Variants in PDZD2 observed in about 807,000 individuals in gnomAD.
PDZD2 encodes the protein PDZ domain-containing protein 2.
In PDZD2, 90 loss-of-function variants were observed where a neutral mutation model predicts 220.7. That is an observed-to-expected ratio of 0.41 (90% confidence interval 0.34 to 0.49). The LOEUF (loss-of-function observed/expected upper bound fraction) is 0.49. Among genes scored for constraint, PDZD2 ranks in the 20% least tolerant of loss-of-function variants. The pLI is 0.28. For synonymous variants in PDZD2, 1,375 were observed against 1,450.5 expected, an observed-to-expected ratio of 0.95 and a Z score of 1.18; for missense variants, 3,174 against 3,608.5, an observed-to-expected ratio of 0.88 and a Z score of 3.08.
rs1473732101 is a variant in PDZD2 at position 32,074,021 on chromosome 5, A to G, written c.2915A>G (p.Asp972Gly). Reference sequence around the variant, plus strand: ...TGCTACGATGCCAACGATGCCAGTGATGAGGAAGAGTTTGACAGAGAAGGG... The same window carrying G: ...TGCTACGATGCCAACGATGCCAGTGGTGAGGAAGAGTTTGACAGAGAAGGG... ...VGCYDANDASDEEEFDREGDC... is the reference protein window; with the variant it reads ...VGCYDANDASGEEEFDREGDC... Residue 972 changes from aspartate (D) to glycine (G), a missense_variant, in exon 18 of 25, where the codon GAT (aspartate) becomes GGT (glycine). Asp to Gly is a moderately conservative substitution (Grantham distance 94). This residue lies in a region of PDZD2 where 1,861 missense variants were observed against 2,001.0 expected (regional missense o/e 0.93). Coordinates refer to ENST00000438447, the MANE Select transcript of PDZD2 (RefSeq NM_178140.4). The G allele has an allele frequency of 6.2e-7, 1 of 1,614,146 alleles. No homozygotes were observed.
chr5:31,982,536 G>T (rs1006080486), intron 2 of PDZD2, among the ~76,000 whole-genome samples: 1 of 152,116 alleles, frequency 6.6e-6, no homozygotes, highest in Non-Finnish European at 1.5e-5. Flanking sequence ...TCAAACCCCT[G>T]GACTCAAGTG....
intron 14 of PDZD2, among the ~76,000 whole-genome samples, chr5:32,067,458 A>G (rs1380181116): frequency 6.6e-6 from 1 of 152,200 alleles, no homozygotes; most frequent in Non-Finnish European, 1.5e-5. Context: ...GTAAGTATAT[A>G]TGCCTGAGTG....
At chr5:32,026,381 G>C (rs560021097) in intron 6 of PDZD2, among the ~76,000 whole-genome samples, 6 of 151,920 alleles carry the variant, frequency 3.9e-5, no homozygotes, top group Admixed American at 3.9e-4. Context: ...AAAGCAATCC[G>C]CCCGCCTCCG....
At chr5:32,091,830 G>A (rs1314844016) in intron 20 of PDZD2, among the ~76,000 whole-genome samples, 1 of 152,148 alleles carries the variant, frequency 6.6e-6, no homozygotes, top group African/African-American at 2.4e-5. Context: ...TTACCAAAGT[G>A]TCGCTCTGAG....
chr5:32,048,710 CAA>C, intron 8 of PDZD2, 26 bp downstream of exon 8: 2 of 1,612,516 alleles, frequency 1.2e-6, no homozygotes, highest in Non-Finnish European at 1.7e-6. Context: ...TGGATCTTTT[CAA>C]AGACCATAAG....
At chr5:32,064,442 C>T (rs1228414383) in intron 14 of PDZD2, among the ~76,000 whole-genome samples, 1 of 151,866 alleles carries the variant, frequency 6.6e-6, no homozygotes, top group Non-Finnish European at 1.5e-5. Flanking sequence ...GGGGTTTCAC[C>T]ATGTTGGCTA....
intron 1 of PDZD2, among the ~76,000 whole-genome samples, chr5:31,662,186 C>T (rs1404199746): frequency 6.6e-6 from 1 of 152,052 alleles, no homozygotes; most frequent in African/African-American, 2.4e-5. Flanking sequence ...TGGTGCATGC[C>T]TATAATCCCA....
intron 1 of PDZD2, among the ~76,000 whole-genome samples, chr5:31,776,663 T>C (rs1054795959): frequency 6.4e-5 from 9 of 139,996 alleles, no homozygotes; most frequent in Admixed American, 2.2e-4. Context: ...TATTTATTTA[T>C]TTTGAGACGG....
At chr5:31,642,661 G>C (rs939323675) in intron 1 of PDZD2, among the ~76,000 whole-genome samples, 1 of 152,228 alleles carries the variant, frequency 6.6e-6, no homozygotes, top group Non-Finnish European at 1.5e-5. Context: ...AGAGATGTGG[G>C]AGAGAGTAGA....
rs373052201 is a variant in PDZD2 at position 31,823,510 on chromosome 5, G to A, written c.476+23786G>A. 5.5e-4 allele frequency among the ~76,000 whole-genome samples: 84 copies of A among 152,142 alleles called. 1 individual carries two copies. The South Asian group carries it at 0.014, about 26-fold the overall frequency. On this transcript the variant is annotated intron_variant, in intron 2 of 24. Coordinates refer to ENST00000438447, the MANE Select transcript of PDZD2 (RefSeq NM_178140.4). ...AACAAACAAAGCAGAAAGTTTGGCC[G>A]GTAACAGAAGTAACACTCAGAAAAA...
rs541258091 is a variant in PDZD2, at chr5:32,109,891, C to CTGAG, written c.*1758_*1761dup. On this transcript the variant is annotated 3_prime_UTR_variant, in exon 25 of 25. Transcript: ENST00000438447. ...GATGAGAGAGAAATAGCTGGCTTGT[C>CTGAG]TGAGTCCAGATTTCTCATCAACTGG... 152 of 152,728 alleles carry CTGAG rather than the reference C, an allele frequency of 1.0e-3. 1 individual carries two copies. Among genetic ancestry groups the CTGAG allele is most frequent in the African/African-American group, 3.4e-3 (140 of 41,558 alleles). 9.5% of individuals were successfully genotyped at this position (152,728 alleles called of 1,614,324 possible). A position where few individuals can be genotyped will look rare whatever the true frequency, so the allele number is the denominator to read the frequency against.
At chr5:31,645,137 G>A (rs1745086871) in intron 1 of PDZD2, among the ~76,000 whole-genome samples, 1 of 152,170 alleles carries the variant, frequency 6.6e-6, no homozygotes, top group Non-Finnish European at 1.5e-5. Flanking sequence ...GTCCTTGAAA[G>A]GGCATTATCC....
At chr5:32,012,983 A>G (rs1753447535) in intron 6 of PDZD2, among the ~76,000 whole-genome samples, 1 of 152,172 alleles carries the variant, frequency 6.6e-6, no homozygotes, top group Non-Finnish European at 1.5e-5. Flanking sequence ...GACCAAAAAA[A>G]TCCTAGAGAC....
At chr5:31,979,234 G>A (rs1283978217) in intron 2 of PDZD2, among the ~76,000 whole-genome samples, 4 of 152,168 alleles carry the variant, frequency 2.6e-5, no homozygotes, top group Admixed American at 6.5e-5. Context: ...TTTTCAGGAT[G>A]ATCGTAAATG....
intron 1 of PDZD2, among the ~76,000 whole-genome samples, chr5:31,656,028 G>C (rs1388782487): frequency 6.6e-6 from 1 of 152,168 alleles, no homozygotes; most frequent in East Asian, 1.9e-4. Flanking sequence ...TGAAACCTAG[G>C]CTGAACTTCG....
At chr5:31,655,315 G>A (rs893392717) in intron 1 of PDZD2, among the ~76,000 whole-genome samples, 4 of 152,100 alleles carry the variant, frequency 2.6e-5, no homozygotes, top group Admixed American at 2.6e-4. Flanking sequence ...TGAGATTACA[G>A]ATGCACACCA....
intron 6 of PDZD2, among the ~76,000 whole-genome samples, chr5:32,025,935 A>G (rs1479813074): frequency 1.3e-5 from 2 of 152,032 alleles, no homozygotes; most frequent in African/African-American, 2.4e-5. Context: ...ACCTGCCTAA[A>G]TGGCATGCCC....
At chr5:31,773,403 C>T (rs986531549) in intron 1 of PDZD2, among the ~76,000 whole-genome samples, 1 of 151,660 alleles carries the variant, frequency 6.6e-6, no homozygotes, top group African/African-American at 2.4e-5. Context: ...CTTTGGGAGG[C>T]CAAGGCTGGT....
rs753908336 is a variant in PDZD2 at position 32,074,172 on chromosome 5, G to T, written c.3066G>T (p.Arg1022=). The T allele has an allele frequency of 6.2e-7, 1 of 1,614,210 alleles. No individual in the cohort carries two copies. The highest frequency in any genetic ancestry group is 8.5e-7 in the Non-Finnish European group (1 of 1,180,046). ...MDVHNQEERP[R]KTLVSKAISA... is the part of the protein sequence containing the mutation. ...TCCACAACCAAGAGGAACGACCCCG[G>T]AAAACACTGGTGAGCAAGGCCATCT... is the stretch of plus-strand genomic sequence containing the variant. Residue 1022 remains arginine (R), a synonymous_variant, in exon 18 of 25, where the codon CGG becomes CGT. Transcript: ENST00000438447.
Sources: allele counts gnomAD v4.1 joint callset (sites outside exome capture counted in the v4.1 genomes callset), GRCh38; gene constraint gnomAD v4.1.1; regional missense constraint gnomAD v4.1.1; transcripts MANE v1.5; gene names NCBI Gene and HGNC (gene_info 2026-07-23, HGNC 2026-07-21).